Variants in EXOC4 observed in about 807,000 individuals in gnomAD.
EXOC4 encodes the protein SEC8-like 1.
Under a neutral mutation model 107.2 loss-of-function variants are expected in EXOC4, and 71 were observed. That is an observed-to-expected ratio of 0.66 (90% confidence interval 0.55 to 0.81). The LOEUF (loss-of-function observed/expected upper bound fraction) is 0.81, where lower values mean the gene tolerates loss of function less well. Among genes scored for constraint, EXOC4 ranks in the 30% least tolerant of loss-of-function variants. The pLI, the probability that EXOC4 is intolerant of heterozygous loss-of-function variation, is 0.00. For missense variants in EXOC4, 1,108 were observed against 1,189.6 expected, an observed-to-expected ratio of 0.93 and a Z score of 1.01; for synonymous variants, 456 against 441.2, an observed-to-expected ratio of 1.03 and a Z score of -0.42.
chr7:133,676,927 C>CTGTGTGTGTGTGTGTGTG (rs559035446), intron 10 of EXOC4, among the ~76,000 whole-genome samples: 34 of 124,718 alleles, frequency 2.7e-4, no homozygotes, highest in African/African-American at 7.6e-4. Context: ...GTAGTAAACT[C>CTGTGTGTGTGTGTGTGTG]TGTGTGTGTG....
chr7:133,750,898 G>A (rs939725311), intron 10 of EXOC4, among the ~76,000 whole-genome samples: 3 of 152,038 alleles, frequency 2.0e-5, no homozygotes, highest in Non-Finnish European at 4.4e-5. Context: ...TTTTTTGATG[G>A]GAAAACTTAC....
intron 9 of EXOC4, among the ~76,000 whole-genome samples, chr7:133,598,853 A>G (rs1294862557): frequency 6.6e-6 from 1 of 152,066 alleles, no homozygotes; most frequent in Non-Finnish European, 1.5e-5. Flanking sequence ...GCGTGGTGGC[A>G]GGCACCTGTA....
At chr7:133,752,566 A>C (rs1795816732) in intron 10 of EXOC4, among the ~76,000 whole-genome samples, 1 of 152,232 alleles carries the variant, frequency 6.6e-6, no homozygotes, top group Non-Finnish European at 1.5e-5. Context: ...GGAAGGACAT[A>C]GTCTATGCTC....
chr7:133,258,181 C>G (rs1795060751), intron 1 of EXOC4, among the ~76,000 whole-genome samples: 1 of 151,942 alleles, frequency 6.6e-6, no homozygotes, highest in Non-Finnish European at 1.5e-5. Flanking sequence ...TCAGGAAGTC[C>G]TGGGATGTCT....
At chr7:133,504,348 A>G (rs1799629567) in intron 9 of EXOC4, among the ~76,000 whole-genome samples, 1 of 152,106 alleles carries the variant, frequency 6.6e-6, no homozygotes, top group African/African-American at 2.4e-5. Flanking sequence ...AGAAAAGCAA[A>G]GCTATTCTAG....
intron 7 of EXOC4, among the ~76,000 whole-genome samples, chr7:133,437,592 G>C (rs1321947678): frequency 1.3e-5 from 2 of 152,128 alleles, no homozygotes; most frequent in Admixed American, 6.5e-5. Flanking sequence ...AGATCGATAG[G>C]ATATTTTATT....
chr7:133,521,987 T>G (rs1197503147), intron 9 of EXOC4, among the ~76,000 whole-genome samples: 1 of 142,956 alleles, frequency 7.0e-6, no homozygotes, highest in Non-Finnish European at 1.6e-5. Flanking sequence ...GTGGATTCAG[T>G]TTTTTTTTTT....
At chr7:133,669,057 C>G (rs1019130455) in intron 10 of EXOC4, among the ~76,000 whole-genome samples, 1 of 136,338 alleles carries the variant, frequency 7.3e-6, no homozygotes, top group African/African-American at 2.6e-5. Flanking sequence ...ATTTACTTCC[C>G]TTTCTAGTTA....
intron 9 of EXOC4, among the ~76,000 whole-genome samples, chr7:133,565,578 G>A (rs1800892246): frequency 6.6e-6 from 1 of 152,092 alleles, no homozygotes; most frequent in Admixed American, 6.5e-5. Flanking sequence ...AAATACAGAT[G>A]CCCAATTAAG....
intron 5 of EXOC4, among the ~76,000 whole-genome samples, chr7:133,343,330 G>A (rs1795708953): frequency 6.6e-6 from 1 of 152,084 alleles, no homozygotes; most frequent in Admixed American, 6.5e-5. Flanking sequence ...ACTAGGCTAT[G>A]GGCTGGTACT....
chr7:133,705,396 G>T (rs1167970251), intron 10 of EXOC4, among the ~76,000 whole-genome samples: 1 of 152,040 alleles, frequency 6.6e-6, no homozygotes, highest in Non-Finnish European at 1.5e-5. Context: ...AATTAAGAGA[G>T]ATTATTTCTA....
intron 7 of EXOC4, among the ~76,000 whole-genome samples, chr7:133,455,738 A>T (rs1798448924): frequency 1.3e-5 from 2 of 152,208 alleles, no homozygotes; most frequent in African/African-American, 4.8e-5. Flanking sequence ...AATATGCATA[A>T]TTGGCAGTCC....
chr7:133,726,193 A>G (rs1795211402), intron 10 of EXOC4, among the ~76,000 whole-genome samples: 1 of 152,198 alleles, frequency 6.6e-6, no homozygotes, highest in East Asian at 1.9e-4. Flanking sequence ...AAAGAAGAGA[A>G]AAAGGTCTGA....
chr7:133,639,279 C>T (rs904902026), intron 10 of EXOC4, among the ~76,000 whole-genome samples: 4 of 152,114 alleles, frequency 2.6e-5, no homozygotes, highest in East Asian at 1.9e-4. Context: ...ACACACACCC[C>T]CTCTTTCCGA....
intron 13 of EXOC4, among the ~76,000 whole-genome samples, chr7:133,929,697 T>C (rs1800133846): frequency 6.6e-6 from 1 of 151,998 alleles, no homozygotes; most frequent in African/African-American, 2.4e-5. Context: ...ACCCGATGGG[T>C]AGTATTTTGA....
At position 133,426,527 on chromosome 7, in the gene EXOC4, G is replaced by A. The variant is rs150054641; in HGVS notation, c.1183-48801G>A. ...TGTTTATGGCAAATTTATTTACATG[G>A]CTCAATTTTCTGCTAATTTTCCTGT... On this transcript the variant is annotated intron_variant, in intron 7 of 17. Coordinates refer to ENST00000253861, the MANE Select transcript of EXOC4 (RefSeq NM_021807.4). Among the ~76,000 whole-genome samples the A allele has an allele frequency of 1.6e-3, 246 of 152,284 alleles. 1 individual carries two copies. The highest frequency in any genetic ancestry group is 5.7e-3 in the African/African-American group (238 of 41,570).
chr7:133,325,694 A>G (rs1417486498), intron 5 of EXOC4, among the ~76,000 whole-genome samples: 1 of 151,878 alleles, frequency 6.6e-6, no homozygotes, highest in Non-Finnish European at 1.5e-5. Context: ...TTTGCCTTGG[A>G]GTTGCTCTTC....
chr7:133,312,094 A>G (rs561234855), intron 4 of EXOC4, among the ~76,000 whole-genome samples: 1 of 152,314 alleles, frequency 6.6e-6, no homozygotes, highest in Non-Finnish European at 1.5e-5. Context: ...TCATAAAAAT[A>G]TATGTAACAA....
intron 17 of EXOC4, among the ~76,000 whole-genome samples, chr7:134,053,930 TTTTAA>T (rs141787060): frequency 0.25 from 37,625 of 151,690 alleles, 4,978 homozygotes; most frequent in African/African-American, 0.35. Flanking sequence ...GTACTTTTTA[TTTTAA>T]TTTATTTTAT....
Sources: allele counts gnomAD v4.1 joint callset (sites outside exome capture counted in the v4.1 genomes callset), GRCh38; gene constraint gnomAD v4.1.1; transcripts MANE v1.5; gene names NCBI Gene and HGNC (gene_info 2026-07-23, HGNC 2026-07-21).